Variants in STAM2 observed in about 807,000 individuals in gnomAD.
The protein encoded by STAM2 is signal transducing adaptor molecule 2.
A neutral mutation model predicts 65.6 loss-of-function variants in STAM2; 51 were observed. The ratio of observed to expected loss-of-function variants is 0.78; its 90% confidence interval spans 0.62 to 0.98. The LOEUF is 0.98. STAM2 is among the 50% of genes least tolerant of loss of function. STAM2 has a pLI of 0.00. For missense variants in STAM2, 584 were observed against 617.8 expected (o/e 0.95, Z 0.58); for synonymous variants, 198 against 208.4 (o/e 0.95, Z 0.43).
chr2:152,155,562 T>C (rs1488712899), intron 1 of STAM2, among the ~76,000 whole-genome samples: 1 of 152,178 alleles, frequency 6.6e-6, no homozygotes, highest in Non-Finnish European at 1.5e-5. Flanking sequence ...ACAGGGTAAG[T>C]GGGGAAGGCA....
intron 7 of STAM2, 40 bp from the exon 8 acceptor site, chr2:152,135,643 T>G: frequency 1.5e-6 from 2 of 1,294,726 alleles, no homozygotes; most frequent in Non-Finnish European, 2.2e-6. Context: ...GTTCCCCACA[T>G]TTTAATACAA....
intron 2 of STAM2, among the ~76,000 whole-genome samples, chr2:152,149,670 G>T (rs1689405960): frequency 6.6e-6 from 1 of 151,922 alleles, no homozygotes; most frequent in Non-Finnish European, 1.5e-5. Flanking sequence ...GCTAAGTTTT[G>T]TATTTCTAGT....
At chr2:152,165,585 T>C (rs567805321) in intron 1 of STAM2, among the ~76,000 whole-genome samples, 1 of 152,222 alleles carries the variant, frequency 6.6e-6, no homozygotes, top group African/African-American at 2.4e-5. Context: ...ACTGTCAGGC[T>C]TCAGGGGGGT....
intron 1 of STAM2, among the ~76,000 whole-genome samples, chr2:152,164,118 GACCTAC>G (rs1689733783): frequency 6.6e-6 from 1 of 152,032 alleles, no homozygotes; most frequent in Non-Finnish European, 1.5e-5. Flanking sequence ...GGGCATTACG[GACCTAC>G]GGCCCGTAAT....
Position 152,132,183 on chromosome 2 carries a change from A to G in STAM2, c.971-15T>C. 6.3e-7 allele frequency: 1 copy of G among 1,589,672 alleles called. No individual in the cohort carries two copies. On this transcript the variant is annotated splice_polypyrimidine_tract_variant and intron_variant, in intron 10 of 13. Coordinates refer to ENST00000263904, the MANE Select transcript of STAM2 (RefSeq NM_005843.6). ...TTGGCAGATATCTGTAAATACAAAA[A>G]TACTTACAAATATAGAAACTTAATC...
intron 2 of STAM2, among the ~76,000 whole-genome samples, chr2:152,148,603 G>A (rs1375370616): frequency 6.6e-6 from 1 of 152,158 alleles, no homozygotes; most frequent in East Asian, 1.9e-4. Flanking sequence ...CCAGGAAGCT[G>A]CTGTGAGCTG....
chr2:152,174,819 T>C (rs1004157999), intron 1 of STAM2, among the ~76,000 whole-genome samples: 3 of 152,234 alleles, frequency 2.0e-5, no homozygotes, highest in Non-Finnish European at 4.4e-5. Flanking sequence ...CTTTCGAGAA[T>C]ACATACATAT....
chr2:152,154,800 C>A (rs547293477), intron 1 of STAM2, among the ~76,000 whole-genome samples: 2 of 152,142 alleles, frequency 1.3e-5, no homozygotes, highest in Non-Finnish European at 2.9e-5. Flanking sequence ...CAGAAATATA[C>A]GTCTATACCA....
intron 1 of STAM2, among the ~76,000 whole-genome samples, chr2:152,160,889 C>T (rs1689659437): frequency 6.6e-6 from 1 of 151,380 alleles, no homozygotes; most frequent in Admixed American, 6.6e-5. Flanking sequence ...GGTCAGCCCC[C>T]CGCCTGGCCA....
intron 7 of STAM2, among the ~76,000 whole-genome samples, chr2:152,140,951 A>G (rs1219801970): frequency 1.3e-5 from 2 of 151,666 alleles, no homozygotes; most frequent in Admixed American, 6.6e-5. Context: ...CCTGGCCAAC[A>G]TGATTAAACC....
rs1309375739 is a variant in STAM2, at chr2:152,133,269, G to GT, written c.883-10dup. On this transcript the variant is annotated splice_polypyrimidine_tract_variant and intron_variant, in intron 9 of 13. Coordinates refer to ENST00000263904, the MANE Select transcript of STAM2 (RefSeq NM_005843.6). ...GCTCTATCCATCTTATCCTAAAAAA[G>GT]TAACAGGACACTTTTCAAAAACTCA... is the stretch of plus-strand genomic sequence containing the variant. The GT allele has an allele frequency of 6.3e-7, 1 of 1,596,322 alleles. No individual in the cohort carries two copies. The highest frequency in any genetic ancestry group is 8.6e-7 in the Non-Finnish European group (1 of 1,169,440).
chr2:152,175,359 G>A (rs907672494), intron 1 of STAM2, among the ~76,000 whole-genome samples: 1 of 152,152 alleles, frequency 6.6e-6, no homozygotes, highest in African/African-American at 2.4e-5. Context: ...TCCTACGCTT[G>A]GCAAGGAGAA....
intron 1 of STAM2, among the ~76,000 whole-genome samples, chr2:152,175,355 G>A (rs549366003): frequency 1.7e-4 from 26 of 152,210 alleles, no homozygotes; most frequent in Admixed American, 4.6e-4. Context: ...CAAATCCTAC[G>A]CTTGGCAAGG....
intron 1 of STAM2, among the ~76,000 whole-genome samples, chr2:152,165,869 C>T (rs67157738): frequency 0.15 from 22,675 of 152,174 alleles, 1,963 homozygotes; most frequent in Middle Eastern, 0.31. Context: ...TATATTTAAA[C>T]GTGCCCAAAA....
chr2:152,118,774 T>C lies in STAM2; in HGVS notation c.*1800A>G, dbSNP rs138345433. 4 of 151,976 alleles carry C rather than the reference T, an allele frequency of 2.6e-5. No individual in the cohort carries two copies. The highest frequency in any genetic ancestry group is 4.4e-5 in the Non-Finnish European group (3 of 67,942). 9.4% of individuals were successfully genotyped at this position (151,976 alleles called of 1,614,324 possible). A position where few individuals can be genotyped will look rare whatever the true frequency, so the allele number is the denominator to read the frequency against. On this transcript the variant is annotated 3_prime_UTR_variant, in exon 14 of 14. Coordinates refer to ENST00000263904, the MANE Select transcript of STAM2 (RefSeq NM_005843.6). ...TTTGTTTCCAAAAAGTAAGGTGCCA[T>C]TCAGAAGTATATAATTGAATTAACA...
intron 5 of STAM2, among the ~76,000 whole-genome samples, 177 bp downstream of exon 5, chr2:152,146,985 G>T (rs1689346422): frequency 6.6e-6 from 1 of 152,134 alleles, no homozygotes; most frequent in African/African-American, 2.4e-5. Flanking sequence ...ATATGTGGAA[G>T]AAATACACAT....
intron 11 of STAM2, among the ~76,000 whole-genome samples, chr2:152,127,180 T>C (rs942672401): frequency 2.6e-5 from 4 of 152,170 alleles, no homozygotes; most frequent in African/African-American, 7.2e-5. Flanking sequence ...CCTGCTTTTG[T>C]TCTTTTGTTG....
chr2:152,159,910 T>C (rs1689629388), intron 1 of STAM2, among the ~76,000 whole-genome samples: 1 of 152,224 alleles, frequency 6.6e-6, no homozygotes, highest in African/African-American at 2.4e-5. Flanking sequence ...CCTATTTTTT[T>C]GGTGGAGACG....
Position 152,133,276 on chromosome 2 carries a change from G to A in STAM2, c.883-16C>T, listed in dbSNP as rs977326596. 3 of 1,591,816 alleles carry A rather than the reference G, an allele frequency of 1.9e-6. No homozygotes were observed. Among genetic ancestry groups the A allele is most frequent in the African/African-American group, 2.7e-5 (2 of 73,978 alleles). Reference sequence around the variant, plus strand: ...CCATCTTATCCTAAAAAAGTAACAGGACACTTTTCAAAAACTCAAGAGTTT... The same window carrying A: ...CCATCTTATCCTAAAAAAGTAACAGAACACTTTTCAAAAACTCAAGAGTTT... On this transcript the variant is annotated splice_polypyrimidine_tract_variant and intron_variant, in intron 9 of 13. Coordinates refer to ENST00000263904, the MANE Select transcript of STAM2 (RefSeq NM_005843.6).
Sources: gnomAD v4.1 joint callset for allele counts (sites outside exome capture counted in the v4.1 genomes callset) on GRCh38, gnomAD v4.1.1 for gene constraint, MANE v1.5 for transcripts, NCBI Gene and HGNC (gene_info 2026-07-23, HGNC 2026-07-21) for gene names.